The following SHISAL2A variants were observed in gnomAD, a reference collection of about 807,000 sequenced individuals.
SHISAL2A encodes shisa like 2A, also known as protein shisa-like-2A.
SHISAL2A carries 18 observed loss-of-function variants against 11.5 expected under a neutral mutation model. That is an observed-to-expected ratio of 1.57 (90% CI 1.08 to 2.33). The LOEUF (loss-of-function observed/expected upper bound fraction) is 2.33. Among genes scored for constraint, SHISAL2A ranks in the 30% most tolerant of loss-of-function variants. The pLI, the probability that SHISAL2A is intolerant of heterozygous loss-of-function variation, is 0.00. For synonymous variants in SHISAL2A, 94 were observed against 99.6 expected, an observed-to-expected ratio of 0.94 and a Z score of 0.34; for missense variants, 261 against 250.9, an observed-to-expected ratio of 1.04 and a Z score of -0.27.
At chr1:52,659,316 C>T (rs1691861305), downstream of SHISAL2A, 1 of 152,668 alleles carries the variant, frequency 6.6e-6, no homozygotes, top group South Asian at 2.1e-4. Flanking sequence ...AGGTGTGAGC[C>T]ACTGCACCCA....
intron 1 of SHISAL2A, 133 bp from the exon 2 acceptor site, chr1:52,642,730 T>A (rs1176370575): frequency 1.0e-6 from 1 of 988,248 alleles, no homozygotes; most frequent in Admixed American, 2.3e-5. Flanking sequence ...GGCCTAAAAT[T>A]TTTTTTAAAT....
Position 52,633,196 on chromosome 1 carries a change from C to A in SHISAL2A, c.-298C>A. On this transcript the variant is annotated 5_prime_UTR_variant, in exon 1 of 3. Coordinates refer to ENST00000517870, the MANE Select transcript of SHISAL2A (RefSeq NM_001042693.3). The surrounding 1 kb of genome is among the most constrained non-coding windows in gnomAD (Gnocchi z 6.4). ...GCCAGGCGAGCACGCGGCTCCCGGC[C>A]CAGCTCCCCGCGTCCGCTCCGGCTC... 1 of 246,904 alleles carries A rather than the reference C, an allele frequency of 4.1e-6. No homozygotes were observed. The highest frequency in any genetic ancestry group is 7.6e-6 in the Non-Finnish European group (1 of 130,812). The allele number at this position is 246,904 out of a possible 1,614,324, so 15.3% of individuals were successfully genotyped here. A position where few individuals can be genotyped will look rare whatever the true frequency, so the allele number is the denominator to read the frequency against.
chr1:52,642,552 A>G (rs543492387), intron 1 of SHISAL2A, among the ~76,000 whole-genome samples: 2 of 151,302 alleles, frequency 1.3e-5, no homozygotes, highest in Non-Finnish European at 2.9e-5. Flanking sequence ...CAGCCTCCCG[A>G]GTAGGTGAGA....
intron 2 of SHISAL2A, among the ~76,000 whole-genome samples, chr1:52,655,500 C>T (rs1691772318): frequency 1.3e-5 from 2 of 149,412 alleles, no homozygotes; most frequent in Admixed American, 6.7e-5. Context: ...GTGGTGCACA[C>T]CTATAGACCT....
In SHISAL2A at chr1:52,633,809, A is replaced by G. The variant is rs1691184517; in HGVS notation, c.182+134A>G. ...TAGTCCTTACCGTCCTCATGCCCAC[A>G]GCATCAACCACCCCGTGAAACCCCA... On this transcript the variant is annotated intron_variant, in intron 1 of 2. Coordinates refer to ENST00000517870, the MANE Select transcript of SHISAL2A (RefSeq NM_001042693.3). The surrounding 1 kb of genome is among the most constrained non-coding windows in gnomAD (Gnocchi z 6.4). The G allele has an allele frequency of 1.5e-6, 1 of 661,966 alleles. No homozygotes were observed. Among genetic ancestry groups the G allele is most frequent in the East Asian group, 3.3e-5 (1 of 30,468 alleles). 41.0% of individuals were successfully genotyped at this position (661,966 alleles called of 1,614,324 possible).
intron 2 of SHISAL2A, among the ~76,000 whole-genome samples, chr1:52,649,714 A>G (rs112895048): frequency 6.6e-6 from 1 of 152,186 alleles, no homozygotes; most frequent in Non-Finnish European, 1.5e-5. Flanking sequence ...AACCTGCTCA[A>G]CTACTCTGCC....
At position 52,650,949 on chromosome 1, in the gene SHISAL2A, C is replaced by CTT. The variant is rs779523487; in HGVS notation, c.323-5828_323-5827dup. 3.8e-3 allele frequency among the ~76,000 whole-genome samples: 524 copies of CTT among 138,332 alleles called. 6 individuals carry two copies. The highest frequency in any genetic ancestry group is 0.013 in the African/African-American group (492 of 38,072). The allele number at this position is 138,332 out of a possible 152,430, so 90.8% of individuals were successfully genotyped here. ...CATGAGCCACCACGCCTGGCCTAAC[C>CTT]TTTTTTTTTTTTTTAACAGCTTCCC... is the stretch of plus-strand genomic sequence containing the variant. On this transcript the variant is annotated intron_variant, in intron 2 of 2. Coordinates refer to ENST00000517870, the MANE Select transcript of SHISAL2A (RefSeq NM_001042693.3).
chr1:52,644,582 G>T (rs1358730148), intron 2 of SHISAL2A, among the ~76,000 whole-genome samples: 1 of 152,118 alleles, frequency 6.6e-6, no homozygotes. Flanking sequence ...AAATTAGCTG[G>T]GTGTGGTGGC....
intron 2 of SHISAL2A, among the ~76,000 whole-genome samples, chr1:52,644,942 G>A (rs541706841): frequency 2.6e-5 from 4 of 151,596 alleles, no homozygotes; most frequent in South Asian, 2.1e-4. Context: ...GCGTGAACCC[G>A]GGAGGCGGAG....
rs563835544 is a variant in SHISAL2A at position 52,665,446 on chromosome 1, A to C, written n.696-1953A>C. Among the ~76,000 whole-genome samples the C allele has an allele frequency of 6.6e-5, 10 of 152,214 alleles. No homozygotes were observed. In the South Asian group the frequency reaches 2.1e-3, roughly 32 times the overall value. On this transcript the variant is annotated intron_variant and non_coding_transcript_variant, in intron 4 of 5. Transcript: ENST00000401050. ...CCCTAGGGAGGAGCAGTTGTCCCCG[A>C]TGTCTTCTACCTGGGCTCACCCTTG... is the stretch of plus-strand genomic sequence containing the variant.
intron 2 of SHISAL2A, among the ~76,000 whole-genome samples, chr1:52,648,913 T>C (rs1691565063): frequency 6.7e-6 from 1 of 148,994 alleles, no homozygotes; most frequent in Admixed American, 6.7e-5. Flanking sequence ...ATGGAAACCA[T>C]CCTCCTGCTT....
intron 1 of SHISAL2A, among the ~76,000 whole-genome samples, chr1:52,638,290 G>C (rs921590358): frequency 5.9e-5 from 8 of 135,618 alleles, no homozygotes; most frequent in African/African-American, 2.6e-4. Flanking sequence ...TCCTCAAAGG[G>C]CCTCTCTTAG....
chr1:52,645,297 C>T (rs1417783036), intron 2 of SHISAL2A, among the ~76,000 whole-genome samples: 1 of 152,188 alleles, frequency 6.6e-6, no homozygotes, highest in African/African-American at 2.4e-5. Flanking sequence ...GCTGGCTCCT[C>T]TTGGAGTGAG....
downstream of SHISAL2A, among the ~76,000 whole-genome samples, chr1:52,661,298 T>G (rs531437352): frequency 6.6e-6 from 1 of 152,346 alleles, no homozygotes; most frequent in South Asian, 2.1e-4. Flanking sequence ...AAGTGAAATT[T>G]GCCATTCAGG....
Position 52,633,816 on chromosome 1 carries a change from A to G in SHISAL2A, c.182+141A>G, listed in dbSNP as rs899569054. 3.1e-5 allele frequency: 20 copies of G among 646,760 alleles called. No individual in the cohort carries two copies. In the Admixed American group the frequency reaches 7.1e-4, roughly 23 times the overall value. The allele number at this position is 646,760 out of a possible 1,614,324, so 40.1% of individuals were successfully genotyped here. On this transcript the variant is annotated intron_variant, in intron 1 of 2. Transcript: ENST00000517870. This position sits in a 1 kb window ranked among gnomAD's most constrained non-coding sequence, Gnocchi z 6.4. ...TACCGTCCTCATGCCCACAGCATCA[A>G]CCACCCCGTGAAACCCCATCTCAGC...
chr1:52,637,339 G>A (rs567830880), intron 1 of SHISAL2A, among the ~76,000 whole-genome samples: 3 of 152,368 alleles, frequency 2.0e-5, no homozygotes, highest in Non-Finnish European at 2.9e-5. Flanking sequence ...AACAGAGCCC[G>A]GATATTGCAG....
At chr1:52,642,785 T>C (rs1393401561) in intron 1 of SHISAL2A, 78 bp from the exon 2 acceptor site, 3 of 1,428,580 alleles carry the variant, frequency 2.1e-6, no homozygotes, top group Non-Finnish European at 2.9e-6. Flanking sequence ...CATTCTAGCC[T>C]AGCTACAACA....
chr1:52,647,511 A>T (rs1691526990), intron 2 of SHISAL2A, among the ~76,000 whole-genome samples: 3 of 152,202 alleles, frequency 2.0e-5, no homozygotes, highest in Admixed American at 2.0e-4. Flanking sequence ...ACAGGAAAAG[A>T]TGCTCAACAT....
At chr1:52,652,848 C>T (rs1246391604) in intron 2 of SHISAL2A, among the ~76,000 whole-genome samples, 1 of 151,036 alleles carries the variant, frequency 6.6e-6, no homozygotes, top group African/African-American at 2.4e-5. Context: ...CACCTGTAAT[C>T]CCAGCTACTC....
Sources: allele counts gnomAD v4.1 joint callset (sites outside exome capture counted in the v4.1 genomes callset), GRCh38; gene constraint gnomAD v4.1.1; non-coding constraint Gnocchi (gnomAD v3.1); transcripts MANE v1.5; gene names NCBI Gene and HGNC (gene_info 2026-07-23, HGNC 2026-07-21).